TSHZ3: variants seen among roughly 807,000 people sequenced by gnomAD.
TSHZ3 encodes the protein teashirt zinc finger homeobox 3.
A neutral mutation model predicts 64.5 loss-of-function variants in TSHZ3; 10 were observed. The observed-to-expected ratio is 0.16, with a 90% CI of 0.10 to 0.26. The LOEUF (loss-of-function observed/expected upper bound fraction) is 0.26, where lower values mean the gene tolerates loss of function less well. TSHZ3 is among the 10% of genes least tolerant of loss of function. The pLI, the probability that TSHZ3 is intolerant of heterozygous loss-of-function variation, is 1.00. For missense variants in TSHZ3, 1,242 were observed against 1,421.7 expected (o/e 0.87, Z 2.03); for synonymous variants, 608 against 593.1 (o/e 1.03, Z -0.36).
At chr19:31,184,613 C>A (rs1450679741) in intron 5 of TSHZ3, among the ~76,000 whole-genome samples, 1 of 152,108 alleles carries the variant, frequency 6.6e-6, no homozygotes, top group East Asian at 1.9e-4. Context: ...AGATTAAGTT[C>A]TTTTATTTTG....
At chr19:31,151,156 G>A (rs558907223) in exon 7 of TSHZ3, among the ~76,000 whole-genome samples, 31 of 152,294 alleles carry the variant, frequency 2.0e-4, no homozygotes, top group African/African-American at 7.5e-4. Flanking sequence ...AAGAGAGGAG[G>A]CAGGCGGACA....
Position 31,276,916 on chromosome 19 carries a change from C to T in TSHZ3, c.2877G>A (p.Arg959=). 1 of 1,614,202 alleles carries T rather than the reference C, an allele frequency of 6.2e-7. No homozygotes were observed. The highest frequency in any genetic ancestry group is 8.5e-7 in the Non-Finnish European group (1 of 1,180,038). ...TTTTGAGGAACTTTGTTCCACCTGT[C>T]CTTCGAAGCTGGTATTTCACGTTGG... ...WLANVKYQLR[R]TGGTKFLKNL... Residue 959 remains arginine (R), a synonymous_variant, in exon 2 of 2, where the codon AGG becomes AGA. Coordinates refer to ENST00000240587, the MANE Select transcript of TSHZ3 (RefSeq NM_020856.4).
intron 5 of TSHZ3, among the ~76,000 whole-genome samples, chr19:31,186,845 A>G (rs1465732653): frequency 6.6e-6 from 1 of 152,130 alleles, no homozygotes. Context: ...TGTCATTCAA[A>G]TATCTTTGTG....
At chr19:31,228,320 G>A (rs2145173653) in intron 3 of TSHZ3, among the ~76,000 whole-genome samples, 1 of 152,172 alleles carries the variant, frequency 6.6e-6, no homozygotes, top group African/African-American at 2.4e-5. Flanking sequence ...GAGCCCAGGA[G>A]TTCAAGACCA....
intron 4 of TSHZ3, among the ~76,000 whole-genome samples, chr19:31,220,975 A>C (rs1212884766): frequency 2.6e-5 from 4 of 152,220 alleles, no homozygotes; most frequent in African/African-American, 9.6e-5. Context: ...AGAACAGCAT[A>C]GATGCCAAAC....
At chr19:31,329,116 T>C (rs1178776630) in intron 1 of TSHZ3, among the ~76,000 whole-genome samples, 1 of 152,208 alleles carries the variant, frequency 6.6e-6, no homozygotes, top group Non-Finnish European at 1.5e-5. Context: ...GCACATGTAT[T>C]GCACTGAAAA....
At chr19:31,175,059 A>C (rs1427039639) in intron 5 of TSHZ3, among the ~76,000 whole-genome samples, 28 of 152,186 alleles carry the variant, frequency 1.8e-4, no homozygotes, top group Admixed American at 1.8e-3. Flanking sequence ...TGAGGAGTGG[A>C]AATGAGCCTT....
intron 4 of TSHZ3, among the ~76,000 whole-genome samples, chr19:31,217,574 T>C (rs984303177): frequency 6.6e-6 from 1 of 152,198 alleles, no homozygotes; most frequent in Admixed American, 6.5e-5. Flanking sequence ...GCATTTGACA[T>C]GCACAGCCTC....
At chr19:31,201,372 CA>C (rs1256854154) in intron 5 of TSHZ3, among the ~76,000 whole-genome samples, 1 of 151,724 alleles carries the variant, frequency 6.6e-6, no homozygotes, top group Admixed American at 6.6e-5. Context: ...CCATCAAAAT[CA>C]AAAAGAGAAA....
At chr19:31,347,898 G>T (rs1310518745) in intron 1 of TSHZ3, among the ~76,000 whole-genome samples, 8 of 152,160 alleles carry the variant, frequency 5.3e-5, no homozygotes, top group African/African-American at 1.7e-4. Context: ...TGGCATGATG[G>T]AAATTATGGG....
rs777619577 is a variant in TSHZ3 at position 31,277,274 on chromosome 19, C to T, written c.2519G>A (p.Arg840His). The T allele has an allele frequency of 6.8e-6, 11 of 1,614,000 alleles. No homozygotes were observed. Among genetic ancestry groups the T allele is most frequent in the Middle Eastern group, 1.6e-4 (1 of 6,062 alleles). ...VVSFMSNSPLRENALSDISDM... is the reference protein window; with the variant it reads ...VVSFMSNSPLHENALSDISDM... ...GGATATATCTGACAAGGCATTCTCG[C>T]GTAGCGGCGAGTTTGACATGAATGA... The change falls in exon 2 of 2, where the codon CGC (arginine) becomes CAC (histidine). Residue 840 changes from arginine (R) to histidine (H), a missense_variant. By Grantham distance (29) the Arg-to-His change is conservative. Transcript: ENST00000240587. The surrounding 1 kb of genome is among the most constrained non-coding windows in gnomAD (Gnocchi z 4.5).
At chr19:31,210,504 G>A (rs748449984) in intron 4 of TSHZ3, among the ~76,000 whole-genome samples, 29 of 152,058 alleles carry the variant, frequency 1.9e-4, no homozygotes, top group Non-Finnish European at 2.8e-4. Context: ...TCTGTGTCTC[G>A]GGCCTCAGGC....
chr19:31,341,346 G>A (rs985015591), intron 1 of TSHZ3, among the ~76,000 whole-genome samples: 1 of 152,092 alleles, frequency 6.6e-6, no homozygotes, highest in Admixed American at 6.6e-5. Flanking sequence ...AAACTTCCCT[G>A]ATGTCCTGTG....
At chr19:31,334,467 G>A (rs1045387982) in intron 1 of TSHZ3, among the ~76,000 whole-genome samples, 6 of 152,126 alleles carry the variant, frequency 3.9e-5, no homozygotes, top group Admixed American at 2.6e-4. Flanking sequence ...ATGCACTGAG[G>A]TCTTTTAAGT....
intron 1 of TSHZ3, among the ~76,000 whole-genome samples, chr19:31,334,082 A>G (rs1316232010): frequency 2.0e-5 from 3 of 152,094 alleles, no homozygotes; most frequent in Non-Finnish European, 4.4e-5. Context: ...CTGTTATTTT[A>G]TTTATTTTCC....
intron 5 of TSHZ3, among the ~76,000 whole-genome samples, chr19:31,177,963 T>C (rs1402754359): frequency 1.3e-5 from 2 of 152,160 alleles, no homozygotes; most frequent in African/African-American, 2.4e-5. Context: ...CATCTACTTT[T>C]GTAATCAAAC....
chr19:31,277,828 C>G lies in TSHZ3; in HGVS notation c.1965G>C (p.Lys655Asn). Residue 655 changes from lysine (K) to asparagine (N), a missense_variant, in exon 2 of 2, where the codon AAG (lysine) becomes AAC (asparagine). Lys to Asn is a moderately conservative substitution (Grantham distance 94). Coordinates refer to ENST00000240587, the MANE Select transcript of TSHZ3 (RefSeq NM_020856.4). This position sits in a 1 kb window ranked among gnomAD's most constrained non-coding sequence, Gnocchi z 4.5. Reference protein sequence around the residue: ...PCSSEVGEPIKMEASSDGGFR... With the variant: ...PCSSEVGEPINMEASSDGGFR... The stretch of plus-strand genomic sequence containing the variant: ...AGCCCCCATCGCTGGATGCCTCCAT[C>G]TTGATGGGTTCCCCGACTTCGCTGC... 1 of 1,572,052 alleles carries G rather than the reference C, an allele frequency of 6.4e-7. No homozygotes were observed. Among genetic ancestry groups the G allele is most frequent in the Non-Finnish European group, 8.6e-7 (1 of 1,161,112 alleles).
rs1976015726 is a variant in TSHZ3, at chr19:31,263,928, G to A, written n.64-21053C>T. On this transcript the variant is annotated intron_variant and non_coding_transcript_variant, in intron 1 of 6. Coordinates refer to the TSHZ3 transcript ENST00000651361. ...CGGGGTAGCAGAAACAGTGGGGGAG[G>A]AGGGGGAGGCCCATAGCTCCAGCCT... Among the ~76,000 whole-genome samples the A allele has an allele frequency of 2.0e-5, 3 of 152,218 alleles. No individual in the cohort carries two copies. The South Asian group carries it at 6.2e-4, about 32-fold the overall frequency.
At chr19:31,232,652 G>A (rs1176257395) in intron 3 of TSHZ3, among the ~76,000 whole-genome samples, 2 of 152,198 alleles carry the variant, frequency 1.3e-5, no homozygotes, top group African/African-American at 4.8e-5. Flanking sequence ...CCCTGAGCAA[G>A]ACATAGAATG....
Sources: gnomAD v4.1 joint callset for allele counts (sites outside exome capture counted in the v4.1 genomes callset) on GRCh38, gnomAD v4.1.1 for gene constraint, Gnocchi (gnomAD v3.1) non-coding constraint, MANE v1.5 for transcripts, NCBI Gene and HGNC (gene_info 2026-07-23, HGNC 2026-07-21) for gene names.